RAB10: variants seen among roughly 807,000 people sequenced by gnomAD.
The protein encoded by RAB10 is RAB10, member RAS oncogene family.
Under a neutral mutation model 25.7 loss-of-function variants are expected in RAB10, and 5 were observed. The ratio of observed to expected loss-of-function variants is 0.19; its 90% CI spans 0.10 to 0.41. The LOEUF is 0.41. Ranked by LOEUF, RAB10 falls within the 10% of genes least tolerant of loss-of-function variation. The pLI, the probability that RAB10 is intolerant of heterozygous loss-of-function variation, is 1.00. For synonymous variants in RAB10, 89 were observed against 86.4 expected, an observed-to-expected ratio of 1.03 and a Z score of -0.16; for missense variants, 103 against 245.8, an observed-to-expected ratio of 0.42 and a Z score of 3.89.
At chr2:26,036,695 T>C (rs1158313699) in intron 1 of RAB10, among the ~76,000 whole-genome samples, 1 of 151,898 alleles carries the variant, frequency 6.6e-6, no homozygotes, top group Non-Finnish European at 1.5e-5. Context: ...GAAGGACTAA[T>C]AGGAATAGAG....
chr2:26,052,893 T>A (rs1666167464), intron 1 of RAB10, among the ~76,000 whole-genome samples: 1 of 152,168 alleles, frequency 6.6e-6, no homozygotes, highest in South Asian at 2.1e-4. Flanking sequence ...CCCCTCACTT[T>A]CTGCCTTGGT....
At chr2:26,078,863 GGAAGAATA>G (rs1216984741) in intron 1 of RAB10, among the ~76,000 whole-genome samples, 2 of 152,122 alleles carry the variant, frequency 1.3e-5, no homozygotes, top group African/African-American at 4.8e-5. Context: ...ATCACACTGA[GGAAGAATA>G]AAAGAATAAA....
chr2:26,085,501 A>G (rs1666957655), intron 1 of RAB10, among the ~76,000 whole-genome samples: 2 of 151,826 alleles, frequency 1.3e-5, no homozygotes, highest in South Asian at 4.2e-4. Context: ...AAAAAAAAAA[A>G]AAAAAGTTAT....
In RAB10 at chr2:26,051,961, T is replaced by G. The variant is rs1380436164; in HGVS notation, c.127+17226T>G. 2.8e-5 allele frequency among the ~76,000 whole-genome samples: 4 copies of G among 143,092 alleles called. No individual in the cohort carries two copies. In the East Asian group the frequency reaches 6.3e-4, roughly 23 times the overall value. 93.9% of individuals were successfully genotyped at this position (143,092 alleles called of 152,430 possible). A position where few individuals can be genotyped will look rare whatever the true frequency, so the allele number is the denominator to read the frequency against. On this transcript the variant is annotated intron_variant, in intron 1 of 5. Coordinates refer to ENST00000264710, the MANE Select transcript of RAB10 (RefSeq NM_016131.5). ...AATCCCAGCTACTCAGGAGGCTGAG[T>G]CAGGAGAATCACTTGAACCCGGGAG...
chr2:26,051,378 C>CTT (rs1221086950), intron 1 of RAB10, among the ~76,000 whole-genome samples: 3,253 of 73,292 alleles, frequency 0.044, 695 homozygotes, highest in African/African-American at 0.16. Flanking sequence ...CCCCCCCCCC[C>CTT]GTTTTATTGT....
intron 1 of RAB10, among the ~76,000 whole-genome samples, chr2:26,057,328 T>C (rs1474051208): frequency 1.1e-4 from 17 of 151,798 alleles, no homozygotes. Flanking sequence ...ACTGGGAGAC[T>C]GGAGGCAGGA....
chr2:26,036,526 G>A (rs1665768206), intron 1 of RAB10, among the ~76,000 whole-genome samples: 1 of 151,960 alleles, frequency 6.6e-6, no homozygotes. Flanking sequence ...GGGCGTAGTG[G>A]CAGGCACCTG....
At chr2:26,063,336 T>G (rs892492552) in intron 1 of RAB10, among the ~76,000 whole-genome samples, 1 of 152,220 alleles carries the variant, frequency 6.6e-6, no homozygotes, top group African/African-American at 2.4e-5. Flanking sequence ...CTACTGATAC[T>G]CTGGAAAAAT....
At chr2:26,052,104 G>A (rs1366867552) in intron 1 of RAB10, among the ~76,000 whole-genome samples, 1 of 151,704 alleles carries the variant, frequency 6.6e-6, no homozygotes, top group Non-Finnish European at 1.5e-5. Flanking sequence ...GCAGCAAGAC[G>A]TGGTGACTTA....
intron 1 of RAB10, among the ~76,000 whole-genome samples, chr2:26,096,657 G>A (rs182483363): frequency 4.8e-4 from 73 of 151,948 alleles, no homozygotes; most frequent in African/African-American, 1.6e-3. Context: ...TGTTCTTTTG[G>A]TATTTGACCC....
At chr2:26,052,278 T>C (rs1046884871) in intron 1 of RAB10, among the ~76,000 whole-genome samples, 6 of 151,802 alleles carry the variant, frequency 4.0e-5, no homozygotes, top group African/African-American at 9.7e-5. Flanking sequence ...CCCAGCTACT[T>C]GGGAGGCAGA....
intron 1 of RAB10, among the ~76,000 whole-genome samples, chr2:26,059,772 G>T (rs1480296340): frequency 6.6e-6 from 1 of 152,172 alleles, no homozygotes; most frequent in African/African-American, 2.4e-5. Flanking sequence ...AAGGGGTGAA[G>T]GAGAGTTGTT....
chr2:26,065,015 G>A (rs927984957), intron 1 of RAB10, among the ~76,000 whole-genome samples: 19 of 152,136 alleles, frequency 1.2e-4, no homozygotes, highest in Admixed American at 8.5e-4. Context: ...CTCTGATCGC[G>A]CCACTGCAGG....
chr2:26,135,242 T>A lies in RAB10; in HGVS notation c.*221T>A, dbSNP rs1668086825. ...TGTATAGAAAAATCATGTCTGTGAG[T>A]TCATTTTTAAATGTACTTGCTCAGC... On this transcript the variant is annotated 3_prime_UTR_variant, in exon 6 of 6. Coordinates refer to ENST00000264710, the MANE Select transcript of RAB10 (RefSeq NM_016131.5). 2.2e-6 allele frequency: 1 copy of A among 458,996 alleles called. No homozygotes were observed. The highest frequency in any genetic ancestry group is 4.0e-5 in the Admixed American group (1 of 25,176). 28.4% of individuals were successfully genotyped at this position (458,996 alleles called of 1,614,324 possible).
intron 1 of RAB10, among the ~76,000 whole-genome samples, chr2:26,041,796 C>G (rs1158790031): frequency 2.6e-5 from 4 of 151,076 alleles, no homozygotes; most frequent in Admixed American, 2.6e-4. Flanking sequence ...CTCAGCTACT[C>G]TAGAGGCTGA....
intron 1 of RAB10, among the ~76,000 whole-genome samples, chr2:26,043,828 G>T (rs978200653): frequency 6.6e-6 from 1 of 152,162 alleles, no homozygotes; most frequent in African/African-American, 2.4e-5. Flanking sequence ...GTTGATGGTT[G>T]TATAACAGTG....
rs1000483032 is a variant in RAB10, at chr2:26,126,267, A to T, written c.328-877A>T. 3.5e-4 allele frequency among the ~76,000 whole-genome samples: 53 copies of T among 152,178 alleles called. 1 individual carries two copies. Among genetic ancestry groups the T allele is most frequent in the South Asian group, 4.1e-4 (2 of 4,824 alleles). ...CTTTTTGATTTGCAGTAAGTTCTGA[A>T]ATTTGACTCCCCCAGCTAATATTAT... On this transcript the variant is annotated intron_variant, in intron 3 of 5. Coordinates refer to ENST00000264710, the MANE Select transcript of RAB10 (RefSeq NM_016131.5).
In RAB10 at chr2:26,135,681, T is replaced by C. The variant is rs1021492134; in HGVS notation, c.*660T>C. The C allele has an allele frequency of 2.0e-5, 3 of 152,670 alleles. No homozygotes were observed. Among genetic ancestry groups the C allele is most frequent in the Admixed American group, 2.0e-4 (3 of 15,280 alleles). The allele number at this position is 152,670 out of a possible 1,614,324, so 9.5% of individuals were successfully genotyped here. ...GTAGTTAATTGAGGACAAAGGGTAA[T>C]GCAGAAGTGATAGCTTTGGTTTGCT... On this transcript the variant is annotated 3_prime_UTR_variant, in exon 6 of 6. Coordinates refer to ENST00000264710, the MANE Select transcript of RAB10 (RefSeq NM_016131.5).
At chr2:26,079,334 C>CAG (rs1173839974) in intron 1 of RAB10, among the ~76,000 whole-genome samples, 1 of 151,522 alleles carries the variant, frequency 6.6e-6, no homozygotes, top group Non-Finnish European at 1.5e-5. Flanking sequence ...AACACACACA[C>CAG]ACACACACAC....
Sources: gnomAD v4.1 joint callset for allele counts (sites outside exome capture counted in the v4.1 genomes callset) on GRCh38, gnomAD v4.1.1 for gene constraint, MANE v1.5 for transcripts, NCBI Gene and HGNC (gene_info 2026-07-23, HGNC 2026-07-21) for gene names.